Variants in THRB observed in about 807,000 individuals in gnomAD.
THRB encodes the protein nuclear receptor subfamily 1 group A member 2.
THRB carries 12 observed loss-of-function variants against 47.8 expected under a neutral mutation model. That is an observed-to-expected ratio of 0.25 (90% confidence interval 0.16 to 0.41). The LOEUF is 0.41. THRB is among the 10% of genes least tolerant of loss of function. The probability of loss-of-function intolerance (pLI) is 1.00; values close to 1 mark genes in which losing one functional copy is unlikely to be tolerated. For missense variants in THRB, 348 were observed against 589.2 expected, an observed-to-expected ratio of 0.59 and a Z score of 4.24; for synonymous variants, 218 against 212.2, an observed-to-expected ratio of 1.03 and a Z score of -0.24.
intron 1 of THRB, among the ~76,000 whole-genome samples, chr3:24,338,767 A>G (rs1461521068): frequency 6.6e-6 from 1 of 152,222 alleles, no homozygotes; most frequent in African/African-American, 2.4e-5. Context: ...GTTAAAAGGA[A>G]AAATGTATTT....
intron 9 of THRB, among the ~76,000 whole-genome samples, chr3:24,132,567 A>G (rs2034032103): frequency 6.6e-6 from 1 of 152,242 alleles, no homozygotes; most frequent in African/African-American, 2.4e-5. Flanking sequence ...GACATTGGGT[A>G]ACTTGTTTAG....
intron 7 of THRB, 128 bp downstream of exon 7, chr3:24,146,547 G>C (rs1050142614): frequency 2.0e-6 from 2 of 1,022,398 alleles, no homozygotes; most frequent in African/African-American, 1.6e-5. Flanking sequence ...GGGTGTATGC[G>C]AAAGTAAGGT....
chr3:24,127,087 C>A (rs1321126459), intron 10 of THRB, among the ~76,000 whole-genome samples: 1 of 152,212 alleles, frequency 6.6e-6, no homozygotes, highest in African/African-American at 2.4e-5. Flanking sequence ...TCAGTTGTAG[C>A]TAAGCCATGA....
chr3:24,138,842 G>T (rs914772160), intron 8 of THRB, among the ~76,000 whole-genome samples: 2 of 152,126 alleles, frequency 1.3e-5, no homozygotes, highest in African/African-American at 2.4e-5. Flanking sequence ...AAGTAGGAAA[G>T]GTCTCCTCTG....
chr3:24,453,705 T>A (rs2072895211), intron 1 of THRB, among the ~76,000 whole-genome samples: 1 of 152,222 alleles, frequency 6.6e-6, no homozygotes, highest in Admixed American at 6.5e-5. Flanking sequence ...TTCAAACTCC[T>A]TAATGTGGTC....
Position 24,223,895 on chromosome 3 carries a change from G to T in THRB, c.22+5043C>A, listed in dbSNP as rs186884458. On this transcript the variant is annotated intron_variant, in intron 4 of 10. Coordinates refer to ENST00000646209, the MANE Select transcript of THRB (RefSeq NM_001354712.2). Reference sequence around the variant, plus strand: ...TGAGTCACCAATCAATGTGTGTGTGGGGGGGGTATATAGTCAAATTTATAA... The same window carrying T: ...TGAGTCACCAATCAATGTGTGTGTGTGGGGGGTATATAGTCAAATTTATAA... Among the ~76,000 whole-genome samples the T allele has an allele frequency of 4.4e-3, 431 of 97,748 alleles. 4 individuals are homozygous for T. Among genetic ancestry groups the T allele is most frequent in the Middle Eastern group, 0.027 (5 of 182 alleles). The allele number at this position is 97,748 out of a possible 152,430, so 64.1% of individuals were successfully genotyped here. A position where few individuals can be genotyped will look rare whatever the true frequency, so the allele number is the denominator to read the frequency against.
intron 5 of THRB, among the ~76,000 whole-genome samples, chr3:24,158,433 T>TGG (rs1297009115): frequency 3.7e-5 from 3 of 81,024 alleles, no homozygotes; most frequent in African/African-American, 1.9e-4. Flanking sequence ...TTTTTTTTTT[T>TGG]GGGGGGAGGG....
At chr3:24,280,108 C>T (rs1337754722) in intron 3 of THRB, among the ~76,000 whole-genome samples, 2 of 152,116 alleles carry the variant, frequency 1.3e-5, no homozygotes, top group African/African-American at 2.4e-5. Context: ...GGGGGAGGAG[C>T]CAAGATGGCC....
rs138086939 is a variant in THRB at position 24,311,847 on chromosome 3, C to G, written c.-188-14476G>C. Among the ~76,000 whole-genome samples the G allele has an allele frequency of 2.0e-5, 3 of 152,322 alleles. No individual in the cohort carries two copies. The East Asian group carries it at 5.8e-4, about 29-fold the overall frequency. On this transcript the variant is annotated intron_variant, in intron 2 of 10. Coordinates refer to ENST00000646209, the MANE Select transcript of THRB (RefSeq NM_001354712.2). ...TATCCAGACTGAGCTGTCTACAACA[C>G]GTATGTAATCTCACTGCTTAAAACC...
At chr3:24,317,840 TA>T (rs1264603681) in intron 2 of THRB, among the ~76,000 whole-genome samples, 1 of 152,122 alleles carries the variant, frequency 6.6e-6, no homozygotes, top group Non-Finnish European at 1.5e-5. Context: ...GCAGATTGCT[TA>T]AGCCCAGGAG....
intron 3 of THRB, among the ~76,000 whole-genome samples, chr3:24,257,081 C>T (rs1209742779): frequency 6.6e-6 from 1 of 152,064 alleles, no homozygotes; most frequent in Non-Finnish European, 1.5e-5. Context: ...TTCTCTGGTT[C>T]TCAGTTTCTT....
chr3:24,139,816 G>A (rs1029409587), intron 8 of THRB, among the ~76,000 whole-genome samples: 1 of 152,176 alleles, frequency 6.6e-6, no homozygotes, highest in African/African-American at 2.4e-5. Flanking sequence ...AATACTTTCA[G>A]CTTTAATGAC....
chr3:24,286,041 C>A (rs1459091935), intron 3 of THRB, among the ~76,000 whole-genome samples: 1 of 152,128 alleles, frequency 6.6e-6, no homozygotes, highest in Admixed American at 6.6e-5. Context: ...TTTTGCTCTT[C>A]ATACATATGC....
At chr3:24,138,000 G>A (rs1203445890) in intron 8 of THRB, among the ~76,000 whole-genome samples, 6 of 151,664 alleles carry the variant, frequency 4.0e-5, no homozygotes, top group Non-Finnish European at 8.8e-5. Flanking sequence ...GGGTGCAAAA[G>A]GAGAGATTCA....
chr3:24,353,961 A>G (rs567117564), intron 1 of THRB, among the ~76,000 whole-genome samples: 12 of 152,164 alleles, frequency 7.9e-5, no homozygotes, highest in East Asian at 3.9e-4. Context: ...CCTGATTTCA[A>G]TTAAATGCTT....
At chr3:24,231,502 C>T (rs1419281720) in intron 3 of THRB, among the ~76,000 whole-genome samples, 1 of 151,912 alleles carries the variant, frequency 6.6e-6, no homozygotes. Context: ...TTTAGTACTT[C>T]AGTATTTTAG....
At chr3:24,314,317 G>T (rs1486355513) in intron 2 of THRB, among the ~76,000 whole-genome samples, 2 of 152,140 alleles carry the variant, frequency 1.3e-5, no homozygotes, top group Non-Finnish European at 2.9e-5. Context: ...CTTAGGAAAA[G>T]CCTAGTTCCA....
At chr3:24,244,955 G>C (rs1394254413) in intron 3 of THRB, among the ~76,000 whole-genome samples, 1 of 152,186 alleles carries the variant, frequency 6.6e-6, no homozygotes, top group Non-Finnish European at 1.5e-5. Context: ...TCTTCTGCCT[G>C]TTTCTCTGCT....
At chr3:24,433,490 G>A (rs2070650958) in intron 1 of THRB, among the ~76,000 whole-genome samples, 1 of 152,070 alleles carries the variant, frequency 6.6e-6, no homozygotes, top group South Asian at 2.1e-4. Flanking sequence ...CAAGGAAATG[G>A]ATCCTTCTCT....
Sources: allele counts gnomAD v4.1 joint callset (sites outside exome capture counted in the v4.1 genomes callset), GRCh38; gene constraint gnomAD v4.1.1; transcripts MANE v1.5; gene names NCBI Gene and HGNC (gene_info 2026-07-23, HGNC 2026-07-21).